The following ACTR3C variants were observed in gnomAD, a reference collection of about 807,000 sequenced individuals.
The protein encoded by ACTR3C is actin related protein 3C, also known as actin-related protein 3C.
In ACTR3C, 18 loss-of-function variants were observed where a neutral mutation model predicts 26.3. The observed-to-expected ratio is 0.68, with a 90% CI of 0.47 to 1.01. The LOEUF (loss-of-function observed/expected upper bound fraction) is 1.01, where lower values mean the gene tolerates loss of function less well. ACTR3C is among the 50% of genes least tolerant of loss of function. ACTR3C has a pLI of 0.00. For synonymous variants in ACTR3C, 55 were observed against 94.5 expected (o/e 0.58, Z 2.42); for missense variants, 184 against 250.7 (o/e 0.73, Z 1.80).
At chr7:149,920,383 G>T in the ACTR3C span, among the ~76,000 whole-genome samples, 40,886 of 144,970 alleles carry the variant, frequency 0.28, 7,401 homozygotes, top group East Asian at 0.45. Flanking sequence ...CACAACTCAC[G>T]GTAACCTCGA....
chr7:149,988,190 G>T, the ACTR3C span, among the ~76,000 whole-genome samples: 3 of 152,224 alleles, frequency 2.0e-5, no homozygotes, highest in East Asian at 1.9e-4. Context: ...TTCTGGATTT[G>T]TCTGGCTGTT....
the ACTR3C span, among the ~76,000 whole-genome samples, chr7:150,175,299 T>C: frequency 6.8e-6 from 1 of 146,050 alleles, no homozygotes; most frequent in Non-Finnish European, 1.5e-5. Flanking sequence ...AGAATTTTCC[T>C]GGTAAACAGA....
At chr7:150,155,011 C>A in the ACTR3C span, among the ~76,000 whole-genome samples, 2 of 152,118 alleles carry the variant, frequency 1.3e-5, no homozygotes, top group East Asian at 3.9e-4. Flanking sequence ...CAAACACAGG[C>A]CTAAGAAGAA....
chr7:150,042,979 C>T, the ACTR3C span, among the ~76,000 whole-genome samples: 14 of 151,308 alleles, frequency 9.3e-5, no homozygotes, highest in Admixed American at 5.9e-4. Context: ...GTTTCCGGGT[C>T]CCCGCCCCCT....
At chr7:150,098,880 G>A in the ACTR3C span, among the ~76,000 whole-genome samples, 1 of 151,400 alleles carries the variant, frequency 6.6e-6, no homozygotes, top group East Asian at 1.9e-4. Flanking sequence ...TTCCCTCATT[G>A]CATCTTACAA....
At chr7:150,188,112 C>T in the ACTR3C span, among the ~76,000 whole-genome samples, 2 of 151,632 alleles carry the variant, frequency 1.3e-5, no homozygotes, top group Non-Finnish European at 2.9e-5. Context: ...CCAAGGTACC[C>T]TAGTTCCTTC....
chr7:150,319,956 C>G (rs1797332732), intron 1 of ACTR3C, among the ~76,000 whole-genome samples: 1 of 152,228 alleles, frequency 6.6e-6, no homozygotes, highest in Non-Finnish European at 1.5e-5. Context: ...AGTTTTGTAC[C>G]TACAGGAAGA....
the ACTR3C span, among the ~76,000 whole-genome samples, chr7:150,105,721 A>G: frequency 5.3e-5 from 8 of 152,186 alleles, no homozygotes; most frequent in South Asian, 2.1e-4. Flanking sequence ...TTGAGAAGAC[A>G]AACTCAAAGT....
chr7:150,286,720 G>A (rs1476693576), intron 4 of ACTR3C, among the ~76,000 whole-genome samples, 180 bp from the exon 5 acceptor site: 1 of 151,374 alleles, frequency 6.6e-6, no homozygotes, highest in Non-Finnish European at 1.5e-5. Context: ...GTTAGACATG[G>A]TTACACTTGG....
chr7:150,054,305 T>G, the ACTR3C span, among the ~76,000 whole-genome samples: 1 of 152,224 alleles, frequency 6.6e-6, no homozygotes, highest in African/African-American at 2.4e-5. Flanking sequence ...CCAGGCCCCC[T>G]GCAGGGAAGC....
intron 1 of ACTR3C, among the ~76,000 whole-genome samples, chr7:150,306,777 C>G (rs1256590578): frequency 6.6e-6 from 1 of 152,216 alleles, no homozygotes; most frequent in Non-Finnish European, 1.5e-5. Flanking sequence ...ACTTCTTGTA[C>G]ATATGTGTGA....
the ACTR3C span, among the ~76,000 whole-genome samples, chr7:150,229,915 T>A: frequency 6.6e-6 from 1 of 151,976 alleles, no homozygotes; most frequent in African/African-American, 2.4e-5. Context: ...TCAGTCTTTT[T>A]AAAATACTTG....
the ACTR3C span, among the ~76,000 whole-genome samples, chr7:150,035,023 G>A: frequency 6.5e-4 from 93 of 144,170 alleles, 2 homozygotes; most frequent in African/African-American, 2.2e-3. Context: ...AGCCAGGGGG[G>A]GAAGAGGGAC....
chr7:149,917,693 G>C, the ACTR3C span, among the ~76,000 whole-genome samples: 1 of 139,694 alleles, frequency 7.2e-6, no homozygotes, highest in African/African-American at 2.7e-5. Flanking sequence ...CTGGAGTGCA[G>C]TGGTGCAATC....
chr7:150,199,740 A>AC, the ACTR3C span, among the ~76,000 whole-genome samples: 312 of 143,390 alleles, frequency 2.2e-3, 5 homozygotes, highest in East Asian at 0.023. Flanking sequence ...AAAAAAAAAA[A>AC]AAAAAAACAT....
At chr7:150,190,834 A>G in the ACTR3C span, among the ~76,000 whole-genome samples, 4 of 152,184 alleles carry the variant, frequency 2.6e-5, no homozygotes, top group African/African-American at 9.6e-5. Flanking sequence ...ACTTACAATC[A>G]TGGTGGAAGG....
the ACTR3C span, among the ~76,000 whole-genome samples, chr7:150,072,656 C>T: frequency 6.6e-6 from 1 of 151,774 alleles, no homozygotes; most frequent in Non-Finnish European, 1.5e-5. Flanking sequence ...GTCCTCTTCT[C>T]TAAAATTAAA....
the ACTR3C span, among the ~76,000 whole-genome samples, chr7:150,035,524 T>C: frequency 5.7e-3 from 499 of 87,006 alleles, no homozygotes; most frequent in Middle Eastern, 7.9e-3. Context: ...CCCACTCTCG[T>C]GGGGGGTGCC....
At chr7:150,162,759 A>T in the ACTR3C span, among the ~76,000 whole-genome samples, 5 of 152,346 alleles carry the variant, frequency 3.3e-5, no homozygotes, top group East Asian at 7.7e-4. Flanking sequence ...GACAATAGGG[A>T]TTGTAAAGAT....
Sources: gnomAD v4.1 joint callset for allele counts (sites outside exome capture counted in the v4.1 genomes callset) on GRCh38, gnomAD v4.1.1 for gene constraint, MANE v1.5 for transcripts, NCBI Gene and HGNC (gene_info 2026-07-23, HGNC 2026-07-21) for gene names.